Variants in GCC1 observed in about 807,000 individuals in gnomAD.
GCC1 encodes the protein GRIP and coiled-coil domain containing 1.
A neutral mutation model predicts 62.5 loss-of-function variants in GCC1; 36 were observed. The ratio of observed to expected loss-of-function variants is 0.58; its 90% CI spans 0.44 to 0.76. GCC1 has a LOEUF of 0.76. Ranked by LOEUF, GCC1 falls within the 30% of genes least tolerant of loss-of-function variation. The probability of loss-of-function intolerance (pLI) is 0.00; values close to 1 mark genes in which losing one functional copy is unlikely to be tolerated. For synonymous variants in GCC1, 391 were observed against 386.8 expected (o/e 1.01, Z -0.13); for missense variants, 885 against 948.3 (o/e 0.93, Z 0.88).
chr7:127,584,822 G>A lies in GCC1; in HGVS notation c.361C>T (p.Pro121Ser). 1 of 1,614,182 alleles carries A rather than the reference G, an allele frequency of 6.2e-7. No individual in the cohort carries two copies. Among genetic ancestry groups the A allele is most frequent in the Non-Finnish European group, 8.5e-7 (1 of 1,180,032 alleles). Residue 121 changes from proline to serine, a missense_variant, in exon 1 of 2, where the codon CCG (proline) becomes TCG (serine). Pro to Ser is a moderately conservative substitution (Grantham distance 74). Coordinates refer to ENST00000321407, the MANE Select transcript of GCC1 (RefSeq NM_024523.6). Reference sequence around the variant, plus strand: ...TTTGGAGGTGGTGGTCCACGGGCCGGTCTGTCATCTTCTACCCCAAACTCA... The same window carrying A: ...TTTGGAGGTGGTGGTCCACGGGCCGATCTGTCATCTTCTACCCCAAACTCA... ...KGEFGVEDDR[P>S]ARGPPPPKSE...
rs1446910635 is a variant in GCC1, at chr7:127,585,294, C to G, written c.-112G>C. On this transcript the variant is annotated 5_prime_UTR_variant, in exon 1 of 2. Coordinates refer to ENST00000321407, the MANE Select transcript of GCC1 (RefSeq NM_024523.6). ...GCGAGCGGGCTGTCCGGCGGCGGGC[C>G]GCACACCTACTCCACCTAGTTATCC... is the stretch of plus-strand genomic sequence containing the variant. 3.0e-6 allele frequency: 3 copies of G among 991,616 alleles called. No homozygotes were observed. The highest frequency in any genetic ancestry group is 4.4e-6 in the Non-Finnish European group (3 of 680,078). The allele number at this position is 991,616 out of a possible 1,614,324, so 61.4% of individuals were successfully genotyped here.
At position 127,581,997 on chromosome 7, in the gene GCC1, AAT is replaced by A; in HGVS notation, c.*15_*16del. The stretch of plus-strand genomic sequence containing the variant: ...ATAAAAGAGGCACAGAAATTCCAGG[AAT>A]TCATGAAAATGGCATCATCTCTTGC... On this transcript the variant is annotated 3_prime_UTR_variant, in exon 2 of 2. Coordinates refer to ENST00000321407, the MANE Select transcript of GCC1 (RefSeq NM_024523.6). 1 of 1,590,090 alleles carries A rather than the reference AAT, an allele frequency of 6.3e-7. No homozygotes were observed. Among genetic ancestry groups the A allele is most frequent in the East Asian group, 2.2e-5 (1 of 44,550 alleles).
rs1407409778 is a variant in GCC1 at position 127,582,055 on chromosome 7, G to A, written c.2287C>T (p.Leu763Phe). ...SPEEKQVIMR[L>F]PTSASWWPSG... ...GGCCACCAGCTGGCACTGGTTGGGAGTCGCATTATCACTTGTTTCTCCTCT... is the reference window on the plus strand; with the variant it reads ...GGCCACCAGCTGGCACTGGTTGGGAATCGCATTATCACTTGTTTCTCCTCT... Residue 763 changes from leucine to phenylalanine, a missense_variant, in exon 2 of 2, where the codon CTC (leucine) becomes TTC (phenylalanine). Transcript: ENST00000321407. The surrounding 1 kb of genome is among the most constrained non-coding windows in gnomAD (Gnocchi z 4.8). 6 of 1,614,134 alleles carry A rather than the reference G, an allele frequency of 3.7e-6. No individual in the cohort carries two copies. Among genetic ancestry groups the A allele is most frequent in the African/African-American group, 2.7e-5 (2 of 75,060 alleles).
chr7:127,583,605 TC>T (rs1158325929), intron 1 of GCC1, among the ~76,000 whole-genome samples: 1 of 152,164 alleles, frequency 6.6e-6, no homozygotes, highest in African/African-American at 2.4e-5. Flanking sequence ...CTTCCTCAAA[TC>T]CTATTAAGAA....
In GCC1 at chr7:127,583,161, A is replaced by T; in HGVS notation, c.1181T>A (p.Leu394Gln). ...KQKDQLAIQK[L>Q]KERILQLDLE... ...GTCCAGCTGCAGAATGCGCTCCTTC[A>T]GCTTCTGAATGGCCAGCTGGTCCTT... Residue 394 changes from leucine (L) to glutamine (Q), a missense_variant, in exon 2 of 2, where the codon CTG (leucine) becomes CAG (glutamine). Physicochemically the swap from Leu to Gln is moderately radical, Grantham distance 113. Transcript: ENST00000321407. 1 of 1,613,988 alleles carries T rather than the reference A, an allele frequency of 6.2e-7. No homozygotes were observed. Among genetic ancestry groups the T allele is most frequent in the Non-Finnish European group, 8.5e-7 (1 of 1,180,028 alleles).
At chr7:127,583,402 T>A in intron 1 of GCC1, 93 bp from the exon 2 acceptor site, 1 of 998,162 alleles carries the variant, frequency 1.0e-6, no homozygotes, top group East Asian at 2.4e-5. Flanking sequence ...GGTCACAGGT[T>A]TGGGATGGCC....
rs1716434638 is a variant in GCC1, at chr7:127,584,966, G to A, written c.217C>T (p.Gln73Ter). 2 of 1,614,106 alleles carry A rather than the reference G, an allele frequency of 1.2e-6. No individual in the cohort carries two copies. Among genetic ancestry groups the A allele is most frequent in the African/African-American group, 2.7e-5 (2 of 74,924 alleles). The change falls in exon 1 of 2, where the codon CAG (glutamine) becomes TAG (stop). Residue 73 changes from glutamine (Q) to a stop codon, truncating the protein, a stop_gained. Transcript: ENST00000321407. LOFTEE classifies it high-confidence loss of function. ...TCAGGAAAGGTGAGGCCTGGAAGCT[G>A]GACACCTGCGAGGCCCACATCTGCC... Reference protein sequence around the residue: ...HEADVGLAGVQLPGLTFPDSV... With the variant: ...HEADVGLAGV
rs775099457 is a variant in GCC1 at position 127,583,035 on chromosome 7, A to T, written c.1307T>A (p.Met436Lys). 1 of 1,613,882 alleles carries T rather than the reference A, an allele frequency of 6.2e-7. No homozygotes were observed. The highest frequency in any genetic ancestry group is 1.1e-5 in the South Asian group (1 of 91,070). The change falls in exon 2 of 2, where the codon ATG becomes AAG. Residue 436 changes from methionine to lysine, a missense_variant. Transcript: ENST00000321407. ...CTGCAGCAGCCTCTTCAGCTTCTCCATCTTATCTTTCAGGACATTGACATC... is the reference window on the plus strand; with the variant it reads ...CTGCAGCAGCCTCTTCAGCTTCTCCTTCTTATCTTTCAGGACATTGACATC... ...SLDVNVLKDKMEKLKRLLQVA... is the reference protein window; with the variant it reads ...SLDVNVLKDKKEKLKRLLQVA...
chr7:127,582,035 C>A lies in GCC1; in HGVS notation c.2307G>T (p.Trp769Cys). Residue 769 changes from tryptophan (W) to cysteine (C), a missense_variant, in exon 2 of 2, where the codon TGG becomes TGT. Physicochemically the swap from Trp to Cys is radical, Grantham distance 215. Transcript: ENST00000321407. This position sits in a 1 kb window ranked among gnomAD's most constrained non-coding sequence, Gnocchi z 4.8. Reference protein sequence around the residue: ...VIMRLPTSASWWPSGKR With the variant: ...VIMRLPTSASCWPSGKR ...GGCATCATCTCTTGCCAGAAGGCCA[C>A]CAGCTGGCACTGGTTGGGAGTCGCA... 1 of 1,611,032 alleles carries A rather than the reference C, an allele frequency of 6.2e-7. No individual in the cohort carries two copies. The highest frequency in any genetic ancestry group is 8.5e-7 in the Non-Finnish European group (1 of 1,177,572).
chr7:127,584,892 G>T lies in GCC1; in HGVS notation c.291C>A (p.Thr97=). The T allele has an allele frequency of 6.2e-7, 1 of 1,614,092 alleles. No individual in the cohort carries two copies. Among genetic ancestry groups the T allele is most frequent in the Non-Finnish European group, 8.5e-7 (1 of 1,180,026 alleles). The change falls in exon 1 of 2, where the codon ACC becomes ACA. Residue 97 remains threonine (T), a synonymous_variant. Coordinates refer to ENST00000321407, the MANE Select transcript of GCC1 (RefSeq NM_024523.6). ...CSTHSEDSTG[T]ATSLDTAASL... ...TGGCCGCAGTATCCAAGCTAGTGGCGGTCCCAGTGCTATCCTCGCTGTGAG... is the reference window on the plus strand; with the variant it reads ...TGGCCGCAGTATCCAAGCTAGTGGCTGTCCCAGTGCTATCCTCGCTGTGAG...
Position 127,585,174 on chromosome 7 carries a change from C to A in GCC1, c.9G>T (p.Lys3Asn). Residue 3 changes from lysine (K) to asparagine (N), a missense_variant, in exon 1 of 2, where the codon AAG becomes AAT. By Grantham distance (94) the Lys-to-Asn change is moderately conservative. Transcript: ENST00000321407. The part of the protein sequence containing the change: ME[K>N]FGMNFGGGPS... ...GGCCGCCCCCGAAATTCATCCCAAACTTCTCCATGGAGGGTCTGAACGGAT... is the reference window on the plus strand; with the variant it reads ...GGCCGCCCCCGAAATTCATCCCAAAATTCTCCATGGAGGGTCTGAACGGAT... 1 of 1,599,492 alleles carries A rather than the reference C, an allele frequency of 6.3e-7. No individual in the cohort carries two copies.
Position 127,582,377 on chromosome 7 carries a change from CAGAA to C in GCC1, c.1961_1964del (p.Phe654CysfsTer16). 6.2e-7 allele frequency: 1 copy of C among 1,614,218 alleles called. No homozygotes were observed. The highest frequency in any genetic ancestry group is 8.5e-7 in the Non-Finnish European group (1 of 1,180,044). On this transcript the variant is annotated frameshift_variant, in exon 2 of 2. Coordinates refer to ENST00000321407, the MANE Select transcript of GCC1 (RefSeq NM_024523.6). LOFTEE classifies it high-confidence loss of function. This position sits in a 1 kb window ranked among gnomAD's most constrained non-coding sequence, Gnocchi z 4.8. ...CCTTGCGGGCCAGTTGCTCAGCGTACAGAAAGAAAGTGGGCTCATTGGCCGCTGC... is the reference window on the plus strand; with the variant it reads ...CCTTGCGGGCCAGTTGCTCAGCGTACAGAAAGTGGGCTCATTGGCCGCTGC...
rs151303849 is a variant in GCC1, at chr7:127,584,708, G to T, written c.475C>A (p.His159Asn). The change falls in exon 1 of 2, where the codon CAC becomes AAC. Residue 159 changes from histidine to asparagine, a missense_variant. His to Asn is a moderately conservative substitution (Grantham distance 68). Coordinates refer to ENST00000321407, the MANE Select transcript of GCC1 (RefSeq NM_024523.6). ...GTAGCCAACTGAGTCTTCAGCTGGTGCAGTCTTTTGTCCACCTCCCCACCT... is the reference window on the plus strand; with the variant it reads ...GTAGCCAACTGAGTCTTCAGCTGGTTCAGTCTTTTGTCCACCTCCCCACCT... ...FAGGEVDKRL[H>N]QLKTQLATLT... The T allele has an allele frequency of 1.9e-6, 3 of 1,614,186 alleles. No homozygotes were observed. Among genetic ancestry groups the T allele is most frequent in the South Asian group, 1.1e-5 (1 of 91,072 alleles).
In GCC1 at chr7:127,583,303, G is replaced by A. The variant is rs752076445; in HGVS notation, c.1039C>T (p.Leu347Phe). ...QLQQEMRKTA[L>F]AEDQLRQQSQ... Reference sequence around the variant, plus strand: ...TGCTGACGGAGTTGATCCTCTGCAAGAGCTGTCTGCAAAACAAGGGAACAG... The same window carrying A: ...TGCTGACGGAGTTGATCCTCTGCAAAAGCTGTCTGCAAAACAAGGGAACAG... The change falls in exon 2 of 2, where the codon CTT becomes TTT. Residue 347 changes from leucine (L) to phenylalanine (F), a missense_variant. By Grantham distance (22) the Leu-to-Phe change is conservative. Transcript: ENST00000321407. 6.3e-7 allele frequency: 1 copy of A among 1,592,028 alleles called. No individual in the cohort carries two copies. Among genetic ancestry groups the A allele is most frequent in the South Asian group, 1.1e-5 (1 of 89,712 alleles).
chr7:127,584,286 C>A lies in GCC1; in HGVS notation c.897G>T (p.Val299=), dbSNP rs1794172704. 3.1e-6 allele frequency: 5 copies of A among 1,613,572 alleles called. No individual in the cohort carries two copies. The South Asian group carries it at 5.5e-5, about 18-fold the overall frequency. The change falls in exon 1 of 2, where the codon GTG becomes GTT. Residue 299 remains valine (V), a synonymous_variant. Transcript: ENST00000321407. The part of the protein sequence containing the change: ...ELQTKQLTRE[V]EELKSELQAI... The stretch of plus-strand genomic sequence containing the variant: ...CCTGCAGTTCACTTTTCAGCTCCTC[C>A]ACCTCACGGGTCAGCTGCTTGGTCT...
At position 127,583,086 on chromosome 7, in the gene GCC1, T is replaced by G; in HGVS notation, c.1256A>C (p.Asp419Ala). 6.2e-7 allele frequency: 1 copy of G among 1,614,090 alleles called. No homozygotes were observed. The highest frequency in any genetic ancestry group is 1.1e-5 in the South Asian group (1 of 91,078). The change falls in exon 2 of 2, where the codon GAC becomes GCC. Residue 419 changes from aspartate to alanine, a missense_variant. By Grantham distance (126) the Asp-to-Ala change is moderately radical (BLOSUM62 -2). Coordinates refer to ENST00000321407, the MANE Select transcript of GCC1 (RefSeq NM_024523.6). ...ALAASSRSPL[D>A]SHGEESSLDV... ...CAGACTGGACTCCTCTCCATGGCTG[T>G]CTAAAGGGGACCTGCTGGAGGCTGC...
chr7:127,584,702 G>T lies in GCC1; in HGVS notation c.481C>A (p.Leu161Met), dbSNP rs1386336027. ...GGEVDKRLHQLKTQLATLTSS... is the reference protein window; with the variant it reads ...GGEVDKRLHQMKTQLATLTSS... ...GTCAAAGTAGCCAACTGAGTCTTCAGCTGGTGCAGTCTTTTGTCCACCTCC... is the reference window on the plus strand; with the variant it reads ...GTCAAAGTAGCCAACTGAGTCTTCATCTGGTGCAGTCTTTTGTCCACCTCC... The change falls in exon 1 of 2, where the codon CTG (leucine) becomes ATG (methionine). Residue 161 changes from leucine (L) to methionine (M), a missense_variant. Physicochemically the swap from Leu to Met is conservative, Grantham distance 15 (BLOSUM62 2). Coordinates refer to ENST00000321407, the MANE Select transcript of GCC1 (RefSeq NM_024523.6). The T allele has an allele frequency of 1.2e-6, 2 of 1,614,082 alleles. No individual in the cohort carries two copies. Among genetic ancestry groups the T allele is most frequent in the Non-Finnish European group, 1.7e-6 (2 of 1,180,048 alleles).
At position 127,582,512 on chromosome 7, in the gene GCC1, G is replaced by A. The variant is rs775334247; in HGVS notation, c.1830C>T (p.Ala610=). The A allele has an allele frequency of 3.7e-6, 6 of 1,613,218 alleles. No homozygotes were observed. Among genetic ancestry groups the A allele is most frequent in the Non-Finnish European group, 5.1e-6 (6 of 1,180,030 alleles). ...TGCGTCCTGGCAGCCCAGAGGCCAA[G>A]GCCACAGAACGCAGTTGCTCCAGTT... ...DLELEQLRSV[A]LASGLPGRRS... Residue 610 remains alanine (A), a synonymous_variant, in exon 2 of 2, where the codon GCC becomes GCT. Coordinates refer to ENST00000321407, the MANE Select transcript of GCC1 (RefSeq NM_024523.6). This position sits in a 1 kb window ranked among gnomAD's most constrained non-coding sequence, Gnocchi z 4.8.
rs1448424923 is a variant in GCC1, at chr7:127,582,340, T to G, written c.2002A>C (p.Thr668Pro). ...CTGTGCTTCTGCTTCCTCAGTGATGTGATCTCCACCTCCTTGCGGGCCAGT... is the reference window on the plus strand; with the variant it reads ...CTGTGCTTCTGCTTCCTCAGTGATGGGATCTCCACCTCCTTGCGGGCCAGT... ...EQLARKEVEI[T>P]SLRKQKHRLE... The change falls in exon 2 of 2, where the codon ACA becomes CCA. Residue 668 changes from threonine (T) to proline (P), a missense_variant. Physicochemically the swap from Thr to Pro is conservative, Grantham distance 38. Coordinates refer to ENST00000321407, the MANE Select transcript of GCC1 (RefSeq NM_024523.6). The surrounding 1 kb of genome is among the most constrained non-coding windows in gnomAD (Gnocchi z 4.8). 8.1e-6 allele frequency: 13 copies of G among 1,614,206 alleles called. No individual in the cohort carries two copies. The highest frequency in any genetic ancestry group is 1.1e-5 in the Non-Finnish European group (13 of 1,180,038).
Sources: allele counts gnomAD v4.1 joint callset (sites outside exome capture counted in the v4.1 genomes callset), GRCh38; gene constraint gnomAD v4.1.1; non-coding constraint Gnocchi (gnomAD v3.1); transcripts MANE v1.5; gene names NCBI Gene and HGNC (gene_info 2026-07-23, HGNC 2026-07-21).